The following CSMD1 variants were observed in gnomAD, a reference collection of about 807,000 sequenced individuals.
CSMD1 encodes the protein CUB and Sushi multiple domains 1, also known as CUB and sushi domain-containing protein 1.
Under a neutral mutation model 417.5 loss-of-function variants are expected in CSMD1, and 213 were observed. The observed-to-expected ratio is 0.51, with a 90% CI of 0.46 to 0.57. The LOEUF (loss-of-function observed/expected upper bound fraction) is 0.57. CSMD1 is among the 20% of genes least tolerant of loss of function. CSMD1 has a pLI of 0.00. For missense variants in CSMD1, 6,923 were observed against 4,529.7 expected (o/e 1.53, Z -15.17); for synonymous variants, 2,862 against 1,736.8 (o/e 1.65, Z -16.11).
At chr8:4,488,057 C>T (rs1378688422) in intron 2 of CSMD1, among the ~76,000 whole-genome samples, 2 of 152,158 alleles carry the variant, frequency 1.3e-5, no homozygotes, top group Admixed American at 6.5e-5. Context: ...GCCCTTGTCT[C>T]TTTCTGTCTC....
intron 2 of CSMD1, among the ~76,000 whole-genome samples, chr8:4,576,206 C>T (rs1585273856): frequency 6.6e-6 from 1 of 152,214 alleles, no homozygotes; most frequent in Non-Finnish European, 1.5e-5. Context: ...GGCTACACTA[C>T]TCCAGTCCCC....
rs1208831109 is a variant in CSMD1, at chr8:3,630,727, GCC to G, written c.1010-13932_1010-13931del. 1.3e-4 allele frequency among the ~76,000 whole-genome samples: 17 copies of G among 131,800 alleles called. No homozygotes were observed. The South Asian group carries it at 2.5e-3, about 19-fold the overall frequency. The allele number at this position is 131,800 out of a possible 152,430, so 86.5% of individuals were successfully genotyped here. A position where few individuals can be genotyped will look rare whatever the true frequency, so the allele number is the denominator to read the frequency against. Reference sequence around the variant, plus strand: ...TCCAAGAATTGAGGGAAATGGAGTTGCCTCTCTGAAGCCACTGAGCCAACGGT... The same window carrying G: ...TCCAAGAATTGAGGGAAATGGAGTTGTCTCTGAAGCCACTGAGCCAACGGT... On this transcript the variant is annotated intron_variant, in intron 7 of 69. Transcript: ENST00000635120.
intron 5 of CSMD1, among the ~76,000 whole-genome samples, chr8:3,772,697 A>G (rs1798682979): frequency 6.8e-6 from 1 of 146,630 alleles, no homozygotes; most frequent in African/African-American, 2.5e-5. Context: ...ATATACAAAT[A>G]TATACACACA....
chr8:3,595,889 A>C (rs1268572162), intron 8 of CSMD1, among the ~76,000 whole-genome samples: 1 of 152,142 alleles, frequency 6.6e-6, no homozygotes, highest in South Asian at 2.1e-4. Context: ...TGCAGCCAGG[A>C]CTGTGGGGAA....
At chr8:4,788,259 G>A (rs1237723407) in intron 1 of CSMD1, 6 of 1,588,036 alleles carry the variant, frequency 3.8e-6, no homozygotes, top group East Asian at 2.2e-5. Context: ...AGCTGAGTAT[G>A]AAAGGGATGG....
chr8:3,083,610 TTATATA>T (rs1554507974), intron 49 of CSMD1, among the ~76,000 whole-genome samples: 168 of 30,866 alleles, frequency 5.4e-3, no homozygotes, highest in Admixed American at 6.9e-3. Context: ...ACCATAATTT[TTATATA>T]TATATATATA....
intron 2 of CSMD1, among the ~76,000 whole-genome samples, chr8:4,555,164 G>T (rs551281888): frequency 2.0e-5 from 3 of 152,302 alleles, no homozygotes; most frequent in South Asian, 4.1e-4. Flanking sequence ...CATTTGAAAA[G>T]ATCATTCTGA....
At chr8:3,994,766 C>T (rs1327665209) in intron 5 of CSMD1, among the ~76,000 whole-genome samples, 3 of 152,162 alleles carry the variant, frequency 2.0e-5, no homozygotes, top group Non-Finnish European at 4.4e-5. Context: ...GCCATGGCAA[C>T]CCTGACTTAA....
intron 1 of CSMD1, among the ~76,000 whole-genome samples, chr8:4,714,464 G>A (rs148612010): frequency 1.2e-3 from 176 of 152,208 alleles, no homozygotes; most frequent in African/African-American, 2.0e-3. Context: ...ATACATAAGC[G>A]CTTTCATATG....
At chr8:4,472,282 T>A (rs1009597227) in intron 2 of CSMD1, among the ~76,000 whole-genome samples, 2 of 152,162 alleles carry the variant, frequency 1.3e-5, no homozygotes, top group African/African-American at 4.8e-5. Context: ...CTTCTAATAA[T>A]TAAAAAAGTA....
At chr8:3,015,262 A>G (rs915091392) in intron 52 of CSMD1, among the ~76,000 whole-genome samples, 1 of 152,122 alleles carries the variant, frequency 6.6e-6, no homozygotes, top group Admixed American at 6.5e-5. Flanking sequence ...CTCTCTTTAA[A>G]AACGCATTGC....
intron 1 of CSMD1, among the ~76,000 whole-genome samples, chr8:4,796,185 T>C (rs911184669): frequency 6.6e-6 from 1 of 151,664 alleles, no homozygotes; most frequent in African/African-American, 2.4e-5. Context: ...GGGAAGAAAA[T>C]GCAGGAAGAC....
At chr8:3,462,213 C>T (rs1816548961) in intron 12 of CSMD1, among the ~76,000 whole-genome samples, 1 of 152,146 alleles carries the variant, frequency 6.6e-6, no homozygotes, top group African/African-American at 2.4e-5. Context: ...TCCCTGGGGG[C>T]CACCCATGTC....
intron 3 of CSMD1, among the ~76,000 whole-genome samples, chr8:4,090,910 T>C (rs1372983663): frequency 1.3e-5 from 2 of 148,682 alleles, no homozygotes; most frequent in African/African-American, 5.0e-5. Context: ...TAAGGGGCAG[T>C]CTTTTTTTTT....
chr8:4,374,971 G>GGGT (rs1554450718), intron 3 of CSMD1, among the ~76,000 whole-genome samples: 4 of 133,320 alleles, frequency 3.0e-5, no homozygotes, highest in South Asian at 3.0e-4. Context: ...TGGGGGGGGG[G>GGGT]GGCGATAGTG....
At chr8:3,709,478 AGAG>A (rs1801371503) in intron 6 of CSMD1, among the ~76,000 whole-genome samples, 1 of 152,056 alleles carries the variant, frequency 6.6e-6, no homozygotes, top group East Asian at 1.9e-4. Context: ...ACATTGGGCC[AGAG>A]GAGATTCTGG....
intron 23 of CSMD1, 107 bp from the exon 24 acceptor site, chr8:3,308,610 GA>G (rs1427077515): frequency 2.6e-6 from 2 of 766,358 alleles, no homozygotes; most frequent in Non-Finnish European, 2.1e-6. Context: ...AGGGTAGGGA[GA>G]AAAAAGGAGA....
At chr8:2,976,773 C>A (rs530325174) in intron 55 of CSMD1, among the ~76,000 whole-genome samples, 2 of 152,142 alleles carry the variant, frequency 1.3e-5, no homozygotes, top group Non-Finnish European at 2.9e-5. Flanking sequence ...AATCTTCAGA[C>A]TATGATCTTA....
At chr8:3,133,362 G>T (rs1416963613) in intron 41 of CSMD1, among the ~76,000 whole-genome samples, 1 of 152,196 alleles carries the variant, frequency 6.6e-6, no homozygotes, top group Non-Finnish European at 1.5e-5. Context: ...GGATCCCTCA[G>T]AGCCTCCCCT....
Sources: gnomAD v4.1 joint callset for allele counts (sites outside exome capture counted in the v4.1 genomes callset) on GRCh38, gnomAD v4.1.1 for gene constraint, MANE v1.5 for transcripts, NCBI Gene and HGNC (gene_info 2026-07-23, HGNC 2026-07-21) for gene names.